NLGN1: variants seen among roughly 807,000 people sequenced by gnomAD.
NLGN1 encodes neuroligin-1.
In NLGN1, 12 loss-of-function variants were observed where a neutral mutation model predicts 65.5. That is an observed-to-expected ratio of 0.18 (90% CI 0.12 to 0.30). The LOEUF is 0.30. Ranked by LOEUF, NLGN1 falls within the 10% of genes least tolerant of loss-of-function variation. The pLI is 1.00. For synonymous variants in NLGN1, 350 were observed against 359.5 expected (o/e 0.97, Z 0.30); for missense variants, 750 against 1,007.1 (o/e 0.74, Z 3.46).
At chr3:173,673,777 T>G (rs140356618) in intron 3 of NLGN1, among the ~76,000 whole-genome samples, 1 of 152,262 alleles carries the variant, frequency 6.6e-6, no homozygotes, top group East Asian at 1.9e-4. Context: ...TCCAGGTTCT[T>G]GGCATCTTGA....
At chr3:174,036,035 T>C (rs1278743297) in intron 4 of NLGN1, among the ~76,000 whole-genome samples, 1 of 152,130 alleles carries the variant, frequency 6.6e-6, no homozygotes, top group Non-Finnish European at 1.5e-5. Flanking sequence ...AAGAGATAGA[T>C]GGTATCTTCA....
intron 3 of NLGN1, among the ~76,000 whole-genome samples, chr3:173,720,296 T>A (rs1174011110): frequency 6.6e-6 from 1 of 152,016 alleles, no homozygotes; most frequent in East Asian, 1.9e-4. Context: ...GGGGTGAGAA[T>A]TGTCTGTGAT....
chr3:174,251,138 A>T (rs915194744), intron 4 of NLGN1, among the ~76,000 whole-genome samples: 14 of 152,240 alleles, frequency 9.2e-5, no homozygotes, highest in Admixed American at 2.0e-4. Context: ...AAAATGCTAT[A>T]TTTATAACTG....
At chr3:173,454,880 G>A (rs963763632) in intron 2 of NLGN1, among the ~76,000 whole-genome samples, 8 of 152,168 alleles carry the variant, frequency 5.3e-5, no homozygotes, top group Non-Finnish European at 1.0e-4. Flanking sequence ...TTGAAAATGA[G>A]AGATGTGTGA....
At chr3:174,160,531 A>G (rs940853283) in intron 4 of NLGN1, among the ~76,000 whole-genome samples, 2 of 151,704 alleles carry the variant, frequency 1.3e-5, no homozygotes, top group South Asian at 4.1e-4. Flanking sequence ...TCAGTTGCTA[A>G]CATCTCATTT....
chr3:174,000,507 G>A (rs1723074708), intron 4 of NLGN1, among the ~76,000 whole-genome samples: 3 of 152,138 alleles, frequency 2.0e-5, no homozygotes, highest in African/African-American at 7.2e-5. Context: ...GATTCTGTAG[G>A]TATTGAAAAG....
intron 4 of NLGN1, among the ~76,000 whole-genome samples, chr3:174,246,683 C>T (rs559243750): frequency 1.3e-5 from 2 of 152,142 alleles, no homozygotes; most frequent in Admixed American, 6.5e-5. Flanking sequence ...CCTCCCAAAG[C>T]GTTGTGATTA....
chr3:174,082,713 T>A (rs1560999699), intron 4 of NLGN1, among the ~76,000 whole-genome samples: 2 of 152,046 alleles, frequency 1.3e-5, no homozygotes, highest in Non-Finnish European at 2.9e-5. Context: ...TGACAGAATT[T>A]CTGTTCATTT....
chr3:173,589,192 T>C (rs1199702246), intron 2 of NLGN1, among the ~76,000 whole-genome samples: 1 of 152,204 alleles, frequency 6.6e-6, no homozygotes, highest in Non-Finnish European at 1.5e-5. Flanking sequence ...CTTTTTTCAC[T>C]TTCTCCTGGT....
chr3:173,523,141 T>C (rs200206731), intron 2 of NLGN1, among the ~76,000 whole-genome samples: 6 of 151,112 alleles, frequency 4.0e-5, no homozygotes, highest in African/African-American at 1.2e-4. Flanking sequence ...TTGTTGTTGT[T>C]ATTGAGATGT....
intron 3 of NLGN1, among the ~76,000 whole-genome samples, chr3:173,693,787 G>A (rs1039295912): frequency 3.3e-5 from 5 of 152,036 alleles, no homozygotes; most frequent in African/African-American, 1.2e-4. Context: ...AGGTAACAAT[G>A]TAAGTTTTTT....
intron 2 of NLGN1, among the ~76,000 whole-genome samples, chr3:173,469,548 C>T (rs1050761815): frequency 1.3e-5 from 2 of 151,884 alleles, no homozygotes; most frequent in African/African-American, 2.4e-5. Flanking sequence ...GGAGAATATT[C>T]CTAAGGCAGA....
chr3:173,487,642 T>A (rs991971047), intron 2 of NLGN1, among the ~76,000 whole-genome samples: 15 of 152,078 alleles, frequency 9.9e-5, no homozygotes, highest in Non-Finnish European at 1.9e-4. Context: ...AACAATATTG[T>A]TAAGGAAATA....
chr3:174,281,420 T>C, exon 7 of NLGN1: 1 of 685,744 alleles, frequency 1.5e-6, no homozygotes, highest in South Asian at 2.0e-5. Context: ...ATTATGTGAA[T>C]ATACATATCA....
chr3:173,747,880 C>G (rs145226399), intron 3 of NLGN1, among the ~76,000 whole-genome samples: 3 of 121,538 alleles, frequency 2.5e-5, no homozygotes, highest in African/African-American at 9.5e-5. Flanking sequence ...GTGGCATGAT[C>G]TCAGCTCACT....
chr3:174,049,123 T>G (rs1734247964), intron 4 of NLGN1, among the ~76,000 whole-genome samples: 1 of 152,078 alleles, frequency 6.6e-6, no homozygotes. Flanking sequence ...GAGTAAAGTA[T>G]TTTTGAATGT....
chr3:173,745,920 A>G (rs1343763715), intron 3 of NLGN1, among the ~76,000 whole-genome samples: 3 of 152,136 alleles, frequency 2.0e-5, no homozygotes, highest in Non-Finnish European at 2.9e-5. Context: ...GGCTTACATC[A>G]TTGCAATCAC....
chr3:173,995,266 T>A (rs559121494), intron 4 of NLGN1, among the ~76,000 whole-genome samples: 137 of 152,196 alleles, frequency 9.0e-4, no homozygotes, highest in Admixed American at 2.6e-3. Context: ...GTGAACTATT[T>A]GCCATCTCTG....
intron 2 of NLGN1, among the ~76,000 whole-genome samples, chr3:173,588,478 T>C (rs1747881371): frequency 6.6e-6 from 1 of 152,194 alleles, no homozygotes; most frequent in South Asian, 2.1e-4. Flanking sequence ...AGCCATTTGG[T>C]AGCTAACCTG....
Sources: allele counts gnomAD v4.1 joint callset (sites outside exome capture counted in the v4.1 genomes callset), GRCh38; gene constraint gnomAD v4.1.1; transcripts MANE v1.5; gene names NCBI Gene and HGNC (gene_info 2026-07-23, HGNC 2026-07-21).